PDE11A: variants seen among roughly 807,000 people sequenced by gnomAD.
PDE11A encodes the protein phosphodiesterase 11A.
Under a neutral mutation model 100.5 loss-of-function variants are expected in PDE11A, and 100 were observed. That is an observed-to-expected ratio of 1.00 (90% CI 0.85 to 1.18). The LOEUF (loss-of-function observed/expected upper bound fraction) is 1.18, where lower values mean the gene tolerates loss of function less well. Among genes scored for constraint, PDE11A ranks in the 50% most tolerant of loss-of-function variants. The pLI is 0.00. For synonymous variants in PDE11A, 381 were observed against 420.8 expected (o/e 0.91, Z 1.16); for missense variants, 1,141 against 1,152.6 (o/e 0.99, Z 0.15).
intron 9 of PDE11A, among the ~76,000 whole-genome samples, chr2:177,778,696 A>G (rs1384210121): frequency 6.6e-6 from 1 of 152,238 alleles, no homozygotes; most frequent in Non-Finnish European, 1.5e-5. Flanking sequence ...AACCCGACAG[A>G]AGTGTCATCT....
chr2:177,892,944 C>T (rs2084553301), intron 4 of PDE11A, among the ~76,000 whole-genome samples: 1 of 152,214 alleles, frequency 6.6e-6, no homozygotes, highest in Admixed American at 6.5e-5. Context: ...CAGGCTCTCA[C>T]TGCCTCTTAC....
intron 10 of PDE11A, among the ~76,000 whole-genome samples, chr2:177,747,343 T>C (rs553740631): frequency 3.9e-5 from 6 of 152,354 alleles, no homozygotes; most frequent in Non-Finnish European, 7.3e-5. Context: ...GGAAAGACCC[T>C]GTTCTGACCT....
intron 5 of PDE11A, among the ~76,000 whole-genome samples, chr2:177,864,916 C>A (rs751985593): frequency 6.6e-6 from 1 of 152,160 alleles, no homozygotes. Flanking sequence ...CTTCTTGCTA[C>A]TACACAATGC....
intron 9 of PDE11A, among the ~76,000 whole-genome samples, chr2:177,814,425 T>A (rs1050241937): frequency 1.3e-5 from 2 of 152,126 alleles, no homozygotes; most frequent in African/African-American, 4.8e-5. Context: ...TGCACATGGA[T>A]TCCTAGGCCA....
chr2:178,021,032 G>C (rs547772367), intron 1 of PDE11A, among the ~76,000 whole-genome samples: 1 of 148,602 alleles, frequency 6.7e-6, no homozygotes, highest in East Asian at 2.0e-4. Flanking sequence ...TGCAATCTCT[G>C]TTCACTGCAA....
At chr2:177,931,616 G>A (rs1311849415) in intron 2 of PDE11A, among the ~76,000 whole-genome samples, 2 of 151,936 alleles carry the variant, frequency 1.3e-5, no homozygotes, top group South Asian at 2.1e-4. Context: ...AAACAGAGAC[G>A]AACATACCCA....
At chr2:177,998,308 G>A in intron 2 of PDE11A, 1 of 816,850 alleles carries the variant, frequency 1.2e-6, no homozygotes, top group East Asian at 2.4e-5. Flanking sequence ...TTTGTAGAAA[G>A]GAATTTAATT....
chr2:177,714,897 C>G (rs931358509), intron 12 of PDE11A, among the ~76,000 whole-genome samples: 1 of 152,076 alleles, frequency 6.6e-6, no homozygotes, highest in African/African-American at 2.4e-5. Flanking sequence ...CAGCCTGACC[C>G]TGGGGTCTGG....
intron 9 of PDE11A, among the ~76,000 whole-genome samples, chr2:177,782,980 C>G (rs2105520491): frequency 6.6e-6 from 1 of 152,230 alleles, no homozygotes. Flanking sequence ...ATCAGCTCCA[C>G]CATTCTCAAA....
chr2:177,672,242 A>G (rs1355000037), intron 17 of PDE11A, among the ~76,000 whole-genome samples: 1 of 152,232 alleles, frequency 6.6e-6, no homozygotes, highest in Admixed American at 6.5e-5. Flanking sequence ...GCTTTATGTG[A>G]CTTTTTGTAA....
chr2:177,713,277 G>A (rs954647765), intron 12 of PDE11A, among the ~76,000 whole-genome samples: 1 of 152,112 alleles, frequency 6.6e-6, no homozygotes, highest in Non-Finnish European at 1.5e-5. Flanking sequence ...TCAAAATGCT[G>A]GGATTATAGG....
chr2:177,909,380 C>T (rs1433302167), intron 2 of PDE11A, among the ~76,000 whole-genome samples: 3 of 152,148 alleles, frequency 2.0e-5, no homozygotes, highest in Non-Finnish European at 4.4e-5. Flanking sequence ...ATGCACAGAT[C>T]AGCTCAATTT....
At chr2:178,054,385 C>A (rs1265555501) in intron 1 of PDE11A, among the ~76,000 whole-genome samples, 2 of 152,054 alleles carry the variant, frequency 1.3e-5, no homozygotes, top group African/African-American at 4.8e-5. Context: ...GACCTAAAAC[C>A]ATAAAAACCC....
At chr2:177,760,790 CCTTCAGCCAGACATTGT>C (rs1411333831) in intron 10 of PDE11A, among the ~76,000 whole-genome samples, 1 of 152,116 alleles carries the variant, frequency 6.6e-6, no homozygotes, top group Non-Finnish European at 1.5e-5. Flanking sequence ...TGCAGAAAAC[CCTTCAGCCAGACATTGT>C]CTCCTAACTT....
intron 10 of PDE11A, among the ~76,000 whole-genome samples, chr2:177,746,782 A>G (rs2081954749): frequency 6.6e-6 from 1 of 152,214 alleles, no homozygotes; most frequent in African/African-American, 2.4e-5. Context: ...AAGCCTGAAC[A>G]GAGACTCTGA....
chr2:177,741,237 T>A (rs1171217530), intron 10 of PDE11A, among the ~76,000 whole-genome samples: 3 of 152,186 alleles, frequency 2.0e-5, no homozygotes, highest in Non-Finnish European at 4.4e-5. Flanking sequence ...CTCCTTGGCT[T>A]GTGGATGGCT....
At chr2:177,904,630 C>T (rs980045888) in intron 3 of PDE11A, among the ~76,000 whole-genome samples, 8 of 150,388 alleles carry the variant, frequency 5.3e-5, no homozygotes, top group African/African-American at 2.0e-4. Context: ...TCTCCACTCA[C>T]TGTGACCTCC....
intron 15 of PDE11A, among the ~76,000 whole-genome samples, chr2:177,694,081 C>T (rs1463537110): frequency 6.6e-6 from 1 of 152,160 alleles, no homozygotes; most frequent in Non-Finnish European, 1.5e-5. Flanking sequence ...AACAATAATG[C>T]TGATGAAAAG....
At chr2:178,096,416 GC>G (rs1266725674) in intron 2 of PDE11A, among the ~76,000 whole-genome samples, 1 of 149,368 alleles carries the variant, frequency 6.7e-6, no homozygotes, top group Non-Finnish European at 1.5e-5. Flanking sequence ...CTCATGATCC[GC>G]CCGCCTCGGC....
Sources: gnomAD v4.1 joint callset for allele counts (sites outside exome capture counted in the v4.1 genomes callset) on GRCh38, gnomAD v4.1.1 for gene constraint, MANE v1.5 for transcripts, NCBI Gene and HGNC (gene_info 2026-07-23, HGNC 2026-07-21) for gene names.